WDR7: variants seen among roughly 807,000 people sequenced by gnomAD.
The protein encoded by WDR7 is WD repeat domain 7, also known as WD repeat-containing protein 7.
In WDR7, 46 loss-of-function variants were observed where a neutral mutation model predicts 169.4. The ratio of observed to expected loss-of-function variants is 0.27; its 90% confidence interval spans 0.21 to 0.35. The LOEUF (loss-of-function observed/expected upper bound fraction) is 0.35. Ranked by LOEUF, WDR7 falls within the 10% of genes least tolerant of loss-of-function variation. The pLI is 1.00. For synonymous variants in WDR7, 612 were observed against 666.8 expected, an observed-to-expected ratio of 0.92 and a Z score of 1.27; for missense variants, 1,534 against 1,859.3, an observed-to-expected ratio of 0.83 and a Z score of 3.22.
At chr18:56,885,189 C>A (rs1007621390) in intron 21 of WDR7, among the ~76,000 whole-genome samples, 14 of 152,134 alleles carry the variant, frequency 9.2e-5, no homozygotes, top group African/African-American at 3.1e-4. Flanking sequence ...TGAGAAGGAA[C>A]CAGAAAAACA....
chr18:56,867,329 G>A (rs1396003658), intron 20 of WDR7, among the ~76,000 whole-genome samples: 2 of 152,036 alleles, frequency 1.3e-5, no homozygotes, highest in Non-Finnish European at 2.9e-5. Flanking sequence ...GAGTCAGCAC[G>A]CCCAGCATAA....
chr18:56,992,598 T>C (rs541178105), intron 26 of WDR7, among the ~76,000 whole-genome samples: 2 of 152,274 alleles, frequency 1.3e-5, no homozygotes, highest in South Asian at 2.1e-4. Flanking sequence ...AAGTTAACAT[T>C]AGGGCCACAC....
chr18:56,899,206 C>G (rs1222325362), intron 21 of WDR7, among the ~76,000 whole-genome samples: 1 of 151,858 alleles, frequency 6.6e-6, no homozygotes, highest in Non-Finnish European at 1.5e-5. Context: ...AAAATAGAAG[C>G]ATAATAATTA....
intron 13 of WDR7, among the ~76,000 whole-genome samples, chr18:56,729,289 C>A (rs1312584400): frequency 6.6e-6 from 1 of 152,058 alleles, no homozygotes; most frequent in Non-Finnish European, 1.5e-5. Flanking sequence ...TTAAAATAAT[C>A]TTTTCCCACA....
chr18:56,832,398 G>A (rs946831303), intron 20 of WDR7, among the ~76,000 whole-genome samples: 2 of 152,174 alleles, frequency 1.3e-5, no homozygotes, highest in African/African-American at 2.4e-5. Context: ...GGAAAGGGGC[G>A]GCTGTGGTTG....
At chr18:56,796,415 T>C (rs2044586546) in intron 19 of WDR7, among the ~76,000 whole-genome samples, 1 of 152,224 alleles carries the variant, frequency 6.6e-6, no homozygotes, top group Non-Finnish European at 1.5e-5. Flanking sequence ...GAGATGTATA[T>C]CTACTGATTG....
chr18:56,973,493 TG>T (rs371661600), intron 26 of WDR7, among the ~76,000 whole-genome samples: 14 of 151,670 alleles, frequency 9.2e-5, no homozygotes, highest in Admixed American at 5.3e-4. Context: ...ATATTGTGTG[TG>T]GGGGGGGTGT....
chr18:56,962,614 G>C, intron 26 of WDR7, 85 bp downstream of exon 26: 2 of 1,222,440 alleles, frequency 1.6e-6, no homozygotes, highest in African/African-American at 3.0e-5. Flanking sequence ...CAGTTGACGT[G>C]CTGAGCTGCT....
intron 14 of WDR7, among the ~76,000 whole-genome samples, chr18:56,755,328 C>A (rs2043868039): frequency 6.6e-6 from 1 of 152,016 alleles, no homozygotes; most frequent in African/African-American, 2.4e-5. Flanking sequence ...TTTGTATTGT[C>A]TATTTTTCTT....
intron 26 of WDR7, among the ~76,000 whole-genome samples, chr18:56,966,646 T>C (rs2047413895): frequency 6.6e-6 from 1 of 152,104 alleles, no homozygotes; most frequent in Admixed American, 6.6e-5. Flanking sequence ...AAAAGTTACA[T>C]GTTGACTTTT....
At chr18:56,959,531 A>T (rs1393252263) in intron 25 of WDR7, among the ~76,000 whole-genome samples, 1 of 152,168 alleles carries the variant, frequency 6.6e-6, no homozygotes, top group Non-Finnish European at 1.5e-5. Flanking sequence ...AAACATGAAT[A>T]TAAAAATGGT....
chr18:56,744,859 G>A (rs2043678297), intron 14 of WDR7, among the ~76,000 whole-genome samples: 1 of 152,176 alleles, frequency 6.6e-6, no homozygotes, highest in Non-Finnish European at 1.5e-5. Flanking sequence ...ACTCTAGAAG[G>A]TGTGGCCAGA....
At chr18:56,942,410 A>C (rs1215223338) in intron 25 of WDR7, among the ~76,000 whole-genome samples, 3 of 152,172 alleles carry the variant, frequency 2.0e-5, no homozygotes, top group East Asian at 3.8e-4. Context: ...GGAATGGAGA[A>C]GCTCTGGTGC....
intron 16 of WDR7, among the ~76,000 whole-genome samples, chr18:56,769,491 G>A (rs2044120007): frequency 6.6e-6 from 1 of 152,126 alleles, no homozygotes; most frequent in Non-Finnish European, 1.5e-5. Context: ...AAGCCTCTGT[G>A]CCTGACTGTT....
At chr18:56,704,638 G>C (rs933173947) in intron 12 of WDR7, among the ~76,000 whole-genome samples, 4 of 152,144 alleles carry the variant, frequency 2.6e-5, no homozygotes, top group African/African-American at 7.2e-5. Context: ...CCTGTCTCTT[G>C]TGTAGGAGGC....
At chr18:56,980,523 C>T (rs917944830) in intron 26 of WDR7, among the ~76,000 whole-genome samples, 2 of 152,142 alleles carry the variant, frequency 1.3e-5, no homozygotes, top group African/African-American at 4.8e-5. Flanking sequence ...GTAGTGCTGA[C>T]TACCTTCATG....
At chr18:56,807,209 A>G (rs1362774135) in intron 19 of WDR7, among the ~76,000 whole-genome samples, 1 of 152,106 alleles carries the variant, frequency 6.6e-6, no homozygotes, top group African/African-American at 2.4e-5. Flanking sequence ...CTAAAAGAAC[A>G]TACTTTAAGC....
chr18:57,015,334 A>C (rs765597014), intron 26 of WDR7, among the ~76,000 whole-genome samples: 12 of 152,200 alleles, frequency 7.9e-5, no homozygotes, highest in Non-Finnish European at 1.8e-4. Context: ...TAATGGCGTT[A>C]TTATCTGCCT....
intron 26 of WDR7, among the ~76,000 whole-genome samples, chr18:56,971,282 A>T (rs75563796): frequency 8.8e-6 from 1 of 113,706 alleles, no homozygotes; most frequent in African/African-American, 3.9e-5. Context: ...TCTGTCTCCC[A>T]AAAAAAAAAA....
Sources: gnomAD v4.1 joint callset for allele counts (sites outside exome capture counted in the v4.1 genomes callset) on GRCh38, gnomAD v4.1.1 for gene constraint, MANE v1.5 for transcripts, NCBI Gene and HGNC (gene_info 2026-07-23, HGNC 2026-07-21) for gene names.